HS6ST3: variants seen among roughly 807,000 people sequenced by gnomAD.
HS6ST3 encodes heparan-sulfate 6-O-sulfotransferase 3.
In HS6ST3, 12 loss-of-function variants were observed where a neutral mutation model predicts 36.7. That is an observed-to-expected ratio of 0.33 (90% CI 0.21 to 0.53). The LOEUF (loss-of-function observed/expected upper bound fraction) is 0.53, where lower values mean the gene tolerates loss of function less well. HS6ST3 is among the 20% of genes least tolerant of loss of function. The pLI is 0.95. For synonymous variants in HS6ST3, 240 were observed against 257.5 expected, an observed-to-expected ratio of 0.93 and a Z score of 0.65; for missense variants, 584 against 640.9, an observed-to-expected ratio of 0.91 and a Z score of 0.96.
chr13:96,752,816 C>T (rs1220471401), intron 1 of HS6ST3, among the ~76,000 whole-genome samples: 1 of 151,880 alleles, frequency 6.6e-6, no homozygotes, highest in Non-Finnish European at 1.5e-5. Flanking sequence ...TCTATTAATT[C>T]TTTTATGGTT....
At chr13:96,149,442 A>T (rs2054073907) in intron 1 of HS6ST3, among the ~76,000 whole-genome samples, 1 of 152,092 alleles carries the variant, frequency 6.6e-6, no homozygotes, top group South Asian at 2.1e-4. Context: ...GTTTTGAGAG[A>T]AAATGCTCAC....
At chr13:96,390,015 C>CT (rs112648854) in intron 1 of HS6ST3, among the ~76,000 whole-genome samples, 2,219 of 151,940 alleles carry the variant, frequency 0.015, 29 homozygotes, top group East Asian at 0.056. Context: ...GGTTCTTTCT[C>CT]TTTTTTTTGT....
Position 96,694,494 on chromosome 13 carries a change from T to A in HS6ST3, c.708-137996T>A, listed in dbSNP as rs193227903. On this transcript the variant is annotated intron_variant, in intron 1 of 1. Transcript: ENST00000376705. ...GAATATATGAATGCATGTGTCTTTA[T>A]GATAGGTTGATTTATATATTTATAT... Among the ~76,000 whole-genome samples, 568 of 152,324 alleles carry A rather than the reference T, an allele frequency of 3.7e-3. 7 individuals are homozygous for A. The highest frequency in any genetic ancestry group is 3.6e-3 in the Non-Finnish European group (242 of 68,032).
intron 1 of HS6ST3, among the ~76,000 whole-genome samples, chr13:96,452,849 C>G (rs2055734878): frequency 6.6e-6 from 1 of 152,090 alleles, no homozygotes; most frequent in South Asian, 2.1e-4. Context: ...TCCGTAGGAA[C>G]TTTCTACCCT....
chr13:96,504,745 A>T (rs1171978063), intron 1 of HS6ST3, among the ~76,000 whole-genome samples: 1 of 152,096 alleles, frequency 6.6e-6, no homozygotes, highest in Non-Finnish European at 1.5e-5. Context: ...TCAGAAAATA[A>T]GTCTCGTTAT....
intron 1 of HS6ST3, among the ~76,000 whole-genome samples, chr13:96,503,309 C>A (rs1405577410): frequency 6.6e-6 from 1 of 152,100 alleles, no homozygotes; most frequent in Non-Finnish European, 1.5e-5. Context: ...GAGAACTACC[C>A]ATTGGTGAGC....
At chr13:96,253,545 T>A (rs772874791) in intron 1 of HS6ST3, among the ~76,000 whole-genome samples, 15 of 152,182 alleles carry the variant, frequency 9.9e-5, no homozygotes, top group Non-Finnish European at 2.1e-4. Context: ...TCCCACAAAG[T>A]ACTCTCATCC....
At chr13:96,728,024 CTCTTT>C (rs770627127) in intron 1 of HS6ST3, among the ~76,000 whole-genome samples, 2 of 152,142 alleles carry the variant, frequency 1.3e-5, no homozygotes, top group Non-Finnish European at 2.9e-5. Flanking sequence ...TTGTAATTCT[CTCTTT>C]TCTTATCTAT....
chr13:96,405,545 G>A (rs1357240660), intron 1 of HS6ST3, among the ~76,000 whole-genome samples: 2 of 152,136 alleles, frequency 1.3e-5, no homozygotes, highest in Non-Finnish European at 2.9e-5. Flanking sequence ...TCAGATTCAG[G>A]AGCTTTCTAT....
In HS6ST3 at chr13:96,796,757, A is replaced by G. The variant is rs149644588; in HGVS notation, c.708-35733A>G. On this transcript the variant is annotated intron_variant, in intron 1 of 1. Coordinates refer to ENST00000376705, the MANE Select transcript of HS6ST3 (RefSeq NM_153456.4). ...AGAAATGCCGTGTTATGTAACAGTT[A>G]TTCAGGAAGCTGGCTACTACTGTTT... Among the ~76,000 whole-genome samples, 87 of 152,180 alleles carry G rather than the reference A, an allele frequency of 5.7e-4. No homozygotes were observed. In the East Asian group the frequency reaches 0.015, roughly 26 times the overall value.
chr13:96,655,925 A>G (rs1004602102), intron 1 of HS6ST3, among the ~76,000 whole-genome samples: 1 of 152,108 alleles, frequency 6.6e-6, no homozygotes, highest in African/African-American at 2.4e-5. Context: ...GGCTGGGTGT[A>G]GTTCATGATA....
At chr13:96,615,603 C>T (rs2056471320) in intron 1 of HS6ST3, among the ~76,000 whole-genome samples, 1 of 152,206 alleles carries the variant, frequency 6.6e-6, no homozygotes, top group African/African-American at 2.4e-5. Flanking sequence ...AAATCATCTC[C>T]AAGGTCCCTC....
intron 1 of HS6ST3, among the ~76,000 whole-genome samples, chr13:96,823,254 A>G (rs1039893954): frequency 2.0e-5 from 3 of 152,050 alleles, no homozygotes; most frequent in African/African-American, 7.2e-5. Context: ...TAGGAATTCT[A>G]CTCCTAGGAA....
chr13:96,425,989 A>C (rs2139471227), intron 1 of HS6ST3, among the ~76,000 whole-genome samples: 1 of 151,842 alleles, frequency 6.6e-6, no homozygotes, highest in South Asian at 2.1e-4. Context: ...AGAGAAAAAC[A>C]AGTCAGTGCC....
intron 1 of HS6ST3, among the ~76,000 whole-genome samples, chr13:96,333,402 G>A (rs1043699870): frequency 6.6e-6 from 1 of 152,136 alleles, no homozygotes; most frequent in Non-Finnish European, 1.5e-5. Flanking sequence ...TTTTTAGAGA[G>A]GACTGCTGTT....
At chr13:96,266,298 C>T (rs2054692158) in intron 1 of HS6ST3, among the ~76,000 whole-genome samples, 1 of 152,140 alleles carries the variant, frequency 6.6e-6, no homozygotes, top group Non-Finnish European at 1.5e-5. Context: ...TCATTCCTGA[C>T]TCTGATCCTG....
chr13:96,105,888 C>G (rs1011943195), intron 1 of HS6ST3, among the ~76,000 whole-genome samples: 2 of 152,078 alleles, frequency 1.3e-5, no homozygotes, highest in African/African-American at 4.8e-5. Context: ...GACAAAATGA[C>G]TTGGAAATAT....
intron 1 of HS6ST3, among the ~76,000 whole-genome samples, chr13:96,095,863 G>GGTGTGT (rs141939376): frequency 0.12 from 16,754 of 140,184 alleles, 1,122 homozygotes; most frequent in Admixed American, 0.18. Flanking sequence ...TTATATGACT[G>GGTGTGT]GTGTGTGTGT....
chr13:96,569,936 G>C (rs2071295210), intron 1 of HS6ST3, among the ~76,000 whole-genome samples: 1 of 152,116 alleles, frequency 6.6e-6, no homozygotes, highest in African/African-American at 2.4e-5. Context: ...CAACAACATA[G>C]CTACCATTTC....
Sources: allele counts gnomAD v4.1 joint callset (sites outside exome capture counted in the v4.1 genomes callset), GRCh38; gene constraint gnomAD v4.1.1; transcripts MANE v1.5; gene names NCBI Gene and HGNC (gene_info 2026-07-23, HGNC 2026-07-21).